ODAD2: variants seen among roughly 807,000 people sequenced by gnomAD.
ODAD2 encodes outer dynein arm-docking complex subunit 2.
ODAD2 carries 89 observed loss-of-function variants against 106.8 expected under a neutral mutation model. The ratio of observed to expected loss-of-function variants is 0.83; its 90% CI spans 0.70 to 0.99. ODAD2 has a LOEUF of 0.99. ODAD2 is among the 50% of genes least tolerant of loss of function. The probability of loss-of-function intolerance (pLI) is 0.00; values close to 1 mark genes in which losing one functional copy is unlikely to be tolerated. For missense variants in ODAD2, 1,168 were observed against 1,238.5 expected (o/e 0.94, Z 0.85); for synonymous variants, 404 against 436.2 (o/e 0.93, Z 0.92).
At chr10:27,896,434 G>T (rs4749275) in intron 17 of ODAD2, among the ~76,000 whole-genome samples, 1 of 151,996 alleles carries the variant, frequency 6.6e-6, no homozygotes, top group South Asian at 2.1e-4. Context: ...TCAAATTCAA[G>T]TACATAGATT....
intron 17 of ODAD2, among the ~76,000 whole-genome samples, chr10:27,879,042 G>T (rs920650855): frequency 6.6e-6 from 1 of 152,092 alleles, no homozygotes; most frequent in African/African-American, 2.4e-5. Flanking sequence ...AATGCATTAC[G>T]TGTTGAGGGT....
At chr10:27,990,171 A>G (rs186330909) in intron 2 of ODAD2, among the ~76,000 whole-genome samples, 10 of 152,128 alleles carry the variant, frequency 6.6e-5, no homozygotes, top group Non-Finnish European at 1.3e-4. Context: ...TTTAAGAGAC[A>G]AGATCTTGCT....
chr10:27,847,664 T>C (rs1838883527), intron 19 of ODAD2, among the ~76,000 whole-genome samples: 1 of 152,122 alleles, frequency 6.6e-6, no homozygotes, highest in Non-Finnish European at 1.5e-5. Context: ...ATTGTGTATC[T>C]AGAAAGCCCC....
chr10:27,882,500 C>G (rs954976542), intron 17 of ODAD2, among the ~76,000 whole-genome samples: 2 of 152,192 alleles, frequency 1.3e-5, no homozygotes, highest in South Asian at 4.2e-4. Context: ...ATCTTATCCT[C>G]CATAACAAAA....
At position 27,818,753 on chromosome 10, in the gene ODAD2, C is replaced by T. The variant is rs112946333; in HGVS notation, c.3022-6128G>A. On this transcript the variant is annotated intron_variant, in intron 19 of 19. Transcript: ENST00000305242. The stretch of plus-strand genomic sequence containing the variant: ...CTTCTGCTCCAGTCCTTGGCCTCCC[C>T]GCTCATAGTTCTGGTCATTGTTGCT... Among the ~76,000 whole-genome samples the T allele has an allele frequency of 8.5e-3, 1,288 of 152,280 alleles. 15 individuals carry two copies. The highest frequency in any genetic ancestry group is 0.029 in the African/African-American group (1,187 of 41,554).
In ODAD2 at chr10:27,872,522, T is replaced by C. The variant is rs572661537; in HGVS notation, c.2611-9900A>G. 1.2e-4 allele frequency among the ~76,000 whole-genome samples: 19 copies of C among 152,174 alleles called. No homozygotes were observed. The East Asian group carries it at 3.5e-3, about 28-fold the overall frequency. ...ATAAATAGCTCTTATTATTTTGAGA[T>C]ACGTCCCATCAATACCTAATTTATT... On this transcript the variant is annotated intron_variant, in intron 17 of 19. Coordinates refer to ENST00000305242, the MANE Select transcript of ODAD2 (RefSeq NM_018076.5).
intron 16 of ODAD2, among the ~76,000 whole-genome samples, chr10:27,923,303 T>C (rs754917958): frequency 6.6e-6 from 1 of 152,046 alleles, no homozygotes; most frequent in Non-Finnish European, 1.5e-5. Flanking sequence ...AAAGTGTAGA[T>C]CAAGATATAT....
At chr10:27,823,716 G>C (rs1369139924) in intron 19 of ODAD2, among the ~76,000 whole-genome samples, 1 of 152,096 alleles carries the variant, frequency 6.6e-6, no homozygotes, top group African/African-American at 2.4e-5. Flanking sequence ...GTTCCTGTTG[G>C]ACTGATCCAA....
chr10:27,848,922 G>A (rs961010162), intron 19 of ODAD2, among the ~76,000 whole-genome samples: 3 of 152,152 alleles, frequency 2.0e-5, no homozygotes, highest in Non-Finnish European at 2.9e-5. Context: ...GAGAGGATGT[G>A]GAGAAATAGG....
At chr10:27,899,582 G>A (rs916757387) in intron 17 of ODAD2, among the ~76,000 whole-genome samples, 1 of 150,948 alleles carries the variant, frequency 6.6e-6, no homozygotes, top group Non-Finnish European at 1.5e-5. Context: ...TTCTCGCTGT[G>A]AGCATAGCAG....
At chr10:27,992,983 T>G (rs1019004625) in intron 2 of ODAD2, among the ~76,000 whole-genome samples, 2 of 152,168 alleles carry the variant, frequency 1.3e-5, no homozygotes, top group African/African-American at 4.8e-5. Context: ...TGGTGCAATC[T>G]CGGCTCACTG....
At chr10:27,867,175 T>A (rs1274914496) in intron 17 of ODAD2, among the ~76,000 whole-genome samples, 1 of 151,962 alleles carries the variant, frequency 6.6e-6, no homozygotes, top group Non-Finnish European at 1.5e-5. Flanking sequence ...AGGGACAAAC[T>A]AGCAACCACA....
At chr10:27,915,952 C>G (rs1312423696) in intron 16 of ODAD2, among the ~76,000 whole-genome samples, 1 of 152,062 alleles carries the variant, frequency 6.6e-6, no homozygotes, top group African/African-American at 2.4e-5. Context: ...TTTTAATGGT[C>G]CACCATGGAG....
chr10:27,872,218 C>T (rs1840953194), intron 17 of ODAD2, among the ~76,000 whole-genome samples: 1 of 152,042 alleles, frequency 6.6e-6, no homozygotes, highest in African/African-American at 2.4e-5. Flanking sequence ...TATCCTGAGA[C>T]TTTGCTGAAG....
intron 10 of ODAD2, among the ~76,000 whole-genome samples, chr10:27,960,275 C>G (rs1412751190): frequency 6.7e-6 from 1 of 149,932 alleles, no homozygotes; most frequent in Non-Finnish European, 1.5e-5. Flanking sequence ...AGCTCATGTC[C>G]TTTTTGAAAC....
intron 14 of ODAD2, among the ~76,000 whole-genome samples, chr10:27,939,177 G>C (rs1385297173): frequency 6.6e-6 from 1 of 152,032 alleles, no homozygotes; most frequent in East Asian, 1.9e-4. Flanking sequence ...GGCTAGTCTT[G>C]GTAGGAGATA....
In ODAD2 at chr10:27,904,020, A is replaced by G. The variant is rs1589975231; in HGVS notation, c.2610+3643T>C. The stretch of plus-strand genomic sequence containing the variant: ...CAAATAAGGACTACCTGTTGCCAAA[A>G]AGGGTATATGCAGACAACAATCTGA... On this transcript the variant is annotated intron_variant, in intron 17 of 19. Transcript: ENST00000305242. Among the ~76,000 whole-genome samples the G allele has an allele frequency of 1.3e-5, 2 of 152,234 alleles. 1 individual carries two copies. Among genetic ancestry groups the G allele is most frequent in the East Asian group, 3.8e-4 (2 of 5,198 alleles).
chr10:27,904,051 G>A (rs1359165323), intron 17 of ODAD2, among the ~76,000 whole-genome samples: 1 of 152,156 alleles, frequency 6.6e-6, no homozygotes, highest in East Asian at 1.9e-4. Context: ...TCTGAGGTTT[G>A]GAGTTTTAAA....
At chr10:27,878,524 A>T (rs1188467529) in intron 17 of ODAD2, among the ~76,000 whole-genome samples, 2 of 152,128 alleles carry the variant, frequency 1.3e-5, no homozygotes, top group African/African-American at 4.8e-5. Flanking sequence ...GCGTAACATG[A>T]CTCAAGACAA....
Sources: gnomAD v4.1 joint callset for allele counts (sites outside exome capture counted in the v4.1 genomes callset) on GRCh38, gnomAD v4.1.1 for gene constraint, MANE v1.5 for transcripts, NCBI Gene and HGNC (gene_info 2026-07-23, HGNC 2026-07-21) for gene names.